MAGI1: variants seen among roughly 807,000 people sequenced by gnomAD.
MAGI1 encodes membrane associated guanylate kinase, WW and PDZ domain containing 1.
MAGI1 carries 58 observed loss-of-function variants against 139.9 expected under a neutral mutation model. The ratio of observed to expected loss-of-function variants is 0.41; its 90% CI spans 0.34 to 0.52. MAGI1 has a LOEUF of 0.52. MAGI1 is among the 20% of genes least tolerant of loss of function. MAGI1 has a pLI of 0.12. For missense variants in MAGI1, 1,874 were observed against 1,901.6 expected (o/e 0.99, Z 0.27); for synonymous variants, 812 against 737.9 (o/e 1.10, Z -1.63).
In MAGI1 at chr3:65,383,529, C is replaced by T; in HGVS notation, c.2508+3G>A. On this transcript the variant is annotated splice_donor_region_variant and intron_variant, in intron 15 of 22. Coordinates refer to ENST00000402939, the MANE Select transcript of MAGI1 (RefSeq NM_001033057.2). The stretch of plus-strand genomic sequence containing the variant: ...TGGGAAGAGAGACAAGCAAAAGACT[C>T]ACAGGTTCCCCTGGTTCATTTCCAC... The T allele has an allele frequency of 2.5e-6, 4 of 1,608,802 alleles. No individual in the cohort carries two copies. Among genetic ancestry groups the T allele is most frequent in the Non-Finnish European group, 3.4e-6 (4 of 1,175,174 alleles).
intron 13 of MAGI1, among the ~76,000 whole-genome samples, chr3:65,400,241 C>T (rs1001126743): frequency 6.6e-6 from 1 of 152,192 alleles, no homozygotes; most frequent in East Asian, 1.9e-4. Context: ...GCCCTGAAGT[C>T]AAAGTTCCAA....
intron 2 of MAGI1, among the ~76,000 whole-genome samples, chr3:65,616,755 G>A (rs759349792): frequency 3.3e-5 from 5 of 152,174 alleles, no homozygotes; most frequent in Middle Eastern, 6.4e-3. Flanking sequence ...AGTTATGACC[G>A]GAAGCATTCC....
intron 2 of MAGI1, among the ~76,000 whole-genome samples, chr3:65,573,872 T>C (rs1160678622): frequency 6.6e-6 from 1 of 152,112 alleles, no homozygotes; most frequent in Non-Finnish European, 1.5e-5. Flanking sequence ...TTAAGTTTCA[T>C]AAGAACACAG....
At chr3:65,679,074 C>A (rs560481890) in intron 1 of MAGI1, among the ~76,000 whole-genome samples, 3 of 152,214 alleles carry the variant, frequency 2.0e-5, no homozygotes, top group African/African-American at 7.2e-5. Flanking sequence ...CTAAGCATAT[C>A]TTTGGACAGA....
chr3:65,360,348 C>CTT (rs1387575406), intron 22 of MAGI1: 1 of 952,842 alleles, frequency 1.0e-6, no homozygotes, highest in African/African-American at 1.8e-5. Context: ...GGCATAGCTT[C>CTT]TTCTTTTTTT....
intron 1 of MAGI1, among the ~76,000 whole-genome samples, chr3:65,959,124 C>G (rs182942583): frequency 6.6e-6 from 1 of 152,314 alleles, no homozygotes; most frequent in East Asian, 1.9e-4. Context: ...GGCACAGTCA[C>G]TCCAAAAGAT....
chr3:65,785,301 A>G (rs1418952807), intron 1 of MAGI1, among the ~76,000 whole-genome samples: 4 of 152,202 alleles, frequency 2.6e-5, no homozygotes, highest in Admixed American at 2.6e-4. Flanking sequence ...TGTCTAACAT[A>G]CAGGGGTCCT....
rs572523024 is a variant in MAGI1 at position 65,852,931 on chromosome 3, C to T, written c.313+185065G>A. On this transcript the variant is annotated intron_variant, in intron 1 of 22. Coordinates refer to ENST00000402939, the MANE Select transcript of MAGI1 (RefSeq NM_001033057.2). ...TGGGCAGATCATGAGGTCAGGAGAT[C>T]GAGACCATCCTGGCTAACACGGTGA... 1.7e-3 allele frequency among the ~76,000 whole-genome samples: 244 copies of T among 147,336 alleles called. 2 individuals carry two copies. The highest frequency in any genetic ancestry group is 5.4e-3 in the African/African-American group (217 of 39,888).
chr3:65,749,500 A>G (rs924506817), intron 1 of MAGI1, among the ~76,000 whole-genome samples: 8 of 152,084 alleles, frequency 5.3e-5, no homozygotes, highest in Admixed American at 2.0e-4. Context: ...GAATGACACA[A>G]TGGACTTTGG....
At chr3:65,912,523 A>G (rs1236243850) in intron 1 of MAGI1, among the ~76,000 whole-genome samples, 7 of 152,230 alleles carry the variant, frequency 4.6e-5, no homozygotes, top group Non-Finnish European at 8.8e-5. Flanking sequence ...AACAAACAAA[A>G]ACAGGTAACA....
At chr3:65,644,649 G>A (rs926902522) in intron 1 of MAGI1, among the ~76,000 whole-genome samples, 6 of 151,986 alleles carry the variant, frequency 3.9e-5, no homozygotes, top group African/African-American at 7.2e-5. Context: ...TGATAGGCTC[G>A]ACAAGAAAAT....
At chr3:65,429,311 T>G (rs1315233747) in intron 12 of MAGI1, among the ~76,000 whole-genome samples, 1 of 152,078 alleles carries the variant, frequency 6.6e-6, no homozygotes, top group Non-Finnish European at 1.5e-5. Flanking sequence ...TGATTTCTGT[T>G]TTAAGGTATC....
intron 12 of MAGI1, among the ~76,000 whole-genome samples, chr3:65,407,688 T>C: frequency 6.6e-6 from 1 of 152,168 alleles, no homozygotes. Flanking sequence ...ACACATCATA[T>C]ACCCAAAGAC....
intron 1 of MAGI1, among the ~76,000 whole-genome samples, chr3:65,777,043 C>T (rs2038501902): frequency 6.6e-6 from 1 of 152,190 alleles, no homozygotes; most frequent in Non-Finnish European, 1.5e-5. Flanking sequence ...AGCAGATGCC[C>T]AACCAAGGCT....
chr3:65,525,082 A>G (rs1559637041), intron 2 of MAGI1, among the ~76,000 whole-genome samples: 1 of 152,042 alleles, frequency 6.6e-6, no homozygotes, highest in South Asian at 2.1e-4. Context: ...ATAATTTCAA[A>G]CACCTACTTG....
At chr3:65,956,622 C>T (rs988836496) in intron 1 of MAGI1, among the ~76,000 whole-genome samples, 4 of 152,228 alleles carry the variant, frequency 2.6e-5, no homozygotes, top group Middle Eastern at 3.4e-3. Context: ...CAATACCAAG[C>T]GCCGACAAGG....
chr3:65,558,860 T>C (rs1480552534), intron 2 of MAGI1, among the ~76,000 whole-genome samples: 1 of 152,172 alleles, frequency 6.6e-6, no homozygotes, highest in Non-Finnish European at 1.5e-5. Flanking sequence ...TATAATAAGC[T>C]ACAAATCCAA....
At chr3:65,678,361 A>AG (rs2087338563) in intron 1 of MAGI1, among the ~76,000 whole-genome samples, 1 of 692 alleles carries the variant, frequency 1.4e-3, no homozygotes, top group South Asian at 0.026. Flanking sequence ...ATAAAAAGGT[A>AG]AAAAAAAAAT....
chr3:65,606,578 C>T (rs1449812717), intron 2 of MAGI1, among the ~76,000 whole-genome samples: 1 of 152,112 alleles, frequency 6.6e-6, no homozygotes, highest in Non-Finnish European at 1.5e-5. Flanking sequence ...AGTATAGTGG[C>T]ATGATCTTTG....
Sources: gnomAD v4.1 joint callset for allele counts (sites outside exome capture counted in the v4.1 genomes callset) on GRCh38, gnomAD v4.1.1 for gene constraint, MANE v1.5 for transcripts, NCBI Gene and HGNC (gene_info 2026-07-23, HGNC 2026-07-21) for gene names.